OR51B5: variants seen among roughly 807,000 people sequenced by gnomAD.
OR51B5 encodes olfactory receptor 51B5.
For synonymous variants in OR51B5, 186 were observed against 144.8 expected (o/e 1.28, Z -2.04); for missense variants, 456 against 374.6 (o/e 1.22, Z -1.79).
At chr11:5,340,864 AG>A (rs1848882317), downstream of OR51B5, 1 of 152,206 alleles carries the variant, frequency 6.6e-6, no homozygotes, top group African/African-American at 2.4e-5. Flanking sequence ...GAATAAAATA[AG>A]TTGTGGATGT....
chr11:5,402,984 C>A (rs1180487706), intron 1 of OR51B5: 1 of 471,400 alleles, frequency 2.1e-6, no homozygotes, highest in East Asian at 6.9e-5. Context: ...TTATAGCCAT[C>A]TACAGCCCAC....
At chr11:5,353,899 T>C (rs1407952538) in intron 1 of OR51B5, among the ~76,000 whole-genome samples, 1 of 152,214 alleles carries the variant, frequency 6.6e-6, no homozygotes, top group Non-Finnish European at 1.5e-5. Context: ...CACAATAGTT[T>C]CCAGGCTAGT....
At chr11:5,439,825 C>T (rs369069147) in intron 1 of OR51B5, among the ~76,000 whole-genome samples, 13 of 152,222 alleles carry the variant, frequency 8.5e-5, no homozygotes, top group African/African-American at 2.9e-4. Flanking sequence ...GGTATAATCA[C>T]CCAAGGTTCT....
At chr11:5,406,657 G>C (rs1850061749) in intron 1 of OR51B5, among the ~76,000 whole-genome samples, 1 of 152,084 alleles carries the variant, frequency 6.6e-6, no homozygotes, top group Admixed American at 6.5e-5. Flanking sequence ...ATATGAGTTT[G>C]TTTCAAGCCA....
At chr11:5,437,946 C>A in intron 1 of OR51B5, among the ~76,000 whole-genome samples, 1 of 152,186 alleles carries the variant, frequency 6.6e-6, no homozygotes. Flanking sequence ...GTAATGTTCT[C>A]TTCCCCATGT....
chr11:5,383,398 A>G (rs919587544), intron 1 of OR51B5, among the ~76,000 whole-genome samples: 2 of 152,172 alleles, frequency 1.3e-5, no homozygotes. Context: ...AGAATCTTGA[A>G]GTAGTGGTGA....
intron 1 of OR51B5, among the ~76,000 whole-genome samples, chr11:5,477,727 T>C (rs1453897087): frequency 6.6e-6 from 1 of 152,066 alleles, no homozygotes; most frequent in African/African-American, 2.4e-5. Flanking sequence ...GGAGTTCCCT[T>C]TCCGAGTCAA....
chr11:5,417,321 A>ACCC (rs1163847664), intron 1 of OR51B5, among the ~76,000 whole-genome samples: 31 of 151,432 alleles, frequency 2.0e-4, no homozygotes, highest in Non-Finnish European at 3.7e-4. Flanking sequence ...AACCATAAAA[A>ACCC]CCCTAGAAGA....
chr11:5,359,200 A>G lies in OR51B5; in HGVS notation n.85-12290T>C, dbSNP rs367652122. Among the ~76,000 whole-genome samples, 28 of 151,492 alleles carry G rather than the reference A, an allele frequency of 1.8e-4. No homozygotes were observed. In the East Asian group the frequency reaches 5.2e-3, roughly 28 times the overall value. On this transcript the variant is annotated intron_variant and non_coding_transcript_variant, in intron 1 of 4. Coordinates refer to the OR51B5 transcript ENST00000415970. ...TTCAATTAGGAAAAGAGGAAGTCAAATTGTCCCTGTTTGCAGATGACACGA... is the reference window on the plus strand; with the variant it reads ...TTCAATTAGGAAAAGAGGAAGTCAAGTTGTCCCTGTTTGCAGATGACACGA...
At chr11:5,371,230 A>C (rs1849442667) in intron 1 of OR51B5, among the ~76,000 whole-genome samples, 1 of 152,186 alleles carries the variant, frequency 6.6e-6, no homozygotes, top group South Asian at 2.1e-4. Context: ...TTATACTCTA[A>C]GCCACACAGC....
intron 1 of OR51B5, chr11:5,453,699 G>A: frequency 1.9e-6 from 3 of 1,613,788 alleles, no homozygotes; most frequent in Non-Finnish European, 2.5e-6. Flanking sequence ...CTTCAGTGAT[G>A]TGGCCATATC....
chr11:5,395,677 T>C (rs1849858068), intron 1 of OR51B5, among the ~76,000 whole-genome samples: 1 of 152,110 alleles, frequency 6.6e-6, no homozygotes, highest in Admixed American at 6.5e-5. Context: ...TAATCATTTC[T>C]CTCGAAAAGA....
rs750445810 is a variant in OR51B5 at position 5,343,161 on chromosome 11, T to C, written c.364A>G (p.Ile122Val). The C allele has an allele frequency of 4.3e-6, 7 of 1,613,670 alleles. No homozygotes were observed. In the Admixed American group the frequency reaches 8.3e-5, roughly 19 times the overall value. Residue 122 changes from isoleucine to valine, a missense_variant, in exon 1 of 1, where the codon ATT (isoleucine) becomes GTT (valine). Transcript: ENST00000300773. Reference sequence around the variant, plus strand: ...TATCTAAGAGGGTTGCAGATGGCAATAAAACGGTCATAGGCCATGGCAAGC... The same window carrying C: ...TATCTAAGAGGGTTGCAGATGGCAACAAAACGGTCATAGGCCATGGCAAGC...
chr11:5,462,412 T>C (rs1433922652), intron 1 of OR51B5, among the ~76,000 whole-genome samples: 4 of 152,190 alleles, frequency 2.6e-5, no homozygotes, highest in South Asian at 4.1e-4. Context: ...GAAGAGTGTA[T>C]GTCCCTAGGA....
intron 1 of OR51B5, among the ~76,000 whole-genome samples, chr11:5,448,645 A>T (rs1850804002): frequency 6.6e-6 from 1 of 152,232 alleles, no homozygotes; most frequent in African/African-American, 2.4e-5. Context: ...AAGTAACTGT[A>T]AGAAAGAGTC....
At chr11:5,501,582 A>G (rs1846291980) in intron 1 of OR51B5, among the ~76,000 whole-genome samples, 1 of 147,602 alleles carries the variant, frequency 6.8e-6, no homozygotes, top group African/African-American at 2.4e-5. Flanking sequence ...TCCTTCTAGA[A>G]CACACCAAGC....
chr11:5,484,516 C>T (rs1851472639), intron 1 of OR51B5, among the ~76,000 whole-genome samples: 1 of 152,166 alleles, frequency 6.6e-6, no homozygotes, highest in African/African-American at 2.4e-5. Flanking sequence ...CCCCTATTAA[C>T]ACAGGTCAGT....
At chr11:5,352,949 G>A (rs949322101) in intron 1 of OR51B5, among the ~76,000 whole-genome samples, 3 of 149,356 alleles carry the variant, frequency 2.0e-5, no homozygotes, top group Admixed American at 6.7e-5. Flanking sequence ...CTATGATTTG[G>A]GTCACCGGCA....
chr11:5,501,347 G>A (rs878926269), intron 1 of OR51B5, among the ~76,000 whole-genome samples: 3 of 147,844 alleles, frequency 2.0e-5, no homozygotes, highest in South Asian at 2.1e-4. Flanking sequence ...GAGTAGATTC[G>A]GGCTAAATGT....
Sources: gnomAD v4.1 joint callset for allele counts (sites outside exome capture counted in the v4.1 genomes callset) on GRCh38, gnomAD v4.1.1 for gene constraint, MANE v1.5 for transcripts, NCBI Gene and HGNC (gene_info 2026-07-23, HGNC 2026-07-21) for gene names.